Variants in ATXN2 observed in about 807,000 individuals in gnomAD.
ATXN2 encodes ataxin-2.
A neutral mutation model predicts 138.6 loss-of-function variants in ATXN2; 37 were observed. That is an observed-to-expected ratio of 0.27 (90% CI 0.21 to 0.35). ATXN2 has a LOEUF of 0.35. Ranked by LOEUF, ATXN2 falls within the 10% of genes least tolerant of loss-of-function variation. ATXN2 has a pLI of 1.00. For synonymous variants in ATXN2, 549 were observed against 543.7 expected (o/e 1.01, Z -0.13); for missense variants, 1,216 against 1,480.3 (o/e 0.82, Z 2.93).
chr12:111,456,367 G>T, intron 22 of ATXN2, 111 bp from the exon 23 acceptor site: 2 of 1,110,034 alleles, frequency 1.8e-6, no homozygotes, highest in Non-Finnish European at 2.7e-6. Context: ...AGGGTCACTG[G>T]AAAGTACAGG....
chr12:111,551,238 A>G (rs1013627483), intron 5 of ATXN2, among the ~76,000 whole-genome samples: 8 of 151,420 alleles, frequency 5.3e-5, no homozygotes, highest in Admixed American at 4.6e-4. Flanking sequence ...CAGAGGCTGC[A>G]GTGAGCCGAG....
chr12:111,598,828 CGAG>C lies in ATXN2; in HGVS notation c.204_206del (p.Ser69del). The C allele has an allele frequency of 6.9e-7, 1 of 1,452,172 alleles. No homozygotes were observed. Among genetic ancestry groups the C allele is most frequent in the Non-Finnish European group, 9.0e-7 (1 of 1,108,462 alleles). 90.0% of individuals were successfully genotyped at this position (1,452,172 alleles called of 1,614,324 possible). On this transcript the variant is annotated inframe_deletion, in exon 1 of 25. Transcript: ENST00000673436. This position sits in a 1 kb window ranked among gnomAD's most constrained non-coding sequence, Gnocchi z 4.5. ...CGCCGCCGGAGGTCGCCGCGACCAC[CGAG>C]GAGGGAGCCGTGGCCGAGGACGAGG...
intron 1 of ATXN2, among the ~76,000 whole-genome samples, chr12:111,572,384 A>C (rs1278013922): frequency 6.6e-6 from 1 of 151,320 alleles, no homozygotes; most frequent in African/African-American, 2.4e-5. Flanking sequence ...CTGGGTGACA[A>C]GAGCAAAACT....
At chr12:111,522,376 C>T (rs1449423390) in intron 6 of ATXN2, among the ~76,000 whole-genome samples, 1 of 151,842 alleles carries the variant, frequency 6.6e-6, no homozygotes. Context: ...TTTGGGAGGC[C>T]GAGGCAGGAG....
In ATXN2 at chr12:111,470,148, T is replaced by A. The variant is rs1389032765; in HGVS notation, c.2802A>T (p.Ala934=). 6.2e-7 allele frequency: 1 copy of A among 1,614,052 alleles called. No homozygotes were observed. Among genetic ancestry groups the A allele is most frequent in the East Asian group, 2.2e-5 (1 of 44,894 alleles). The change falls in exon 20 of 25, where the codon GCA becomes GCT. Residue 934 remains alanine (A), a synonymous_variant. Transcript: ENST00000673436. ...HAQPGLVSSS[A]TQYGAHEQTH... The stretch of plus-strand genomic sequence containing the variant: ...TCTGCTCATGAGCCCCGTACTGAGT[T>A]GCTGAAGAAGATACTAAACCAGGCT...
At chr12:111,458,052 C>A (rs1875251455) in intron 21 of ATXN2, 2 of 152,194 alleles carry the variant, frequency 1.3e-5, no homozygotes, top group South Asian at 4.1e-4. Flanking sequence ...CAGTTTAAAT[C>A]AAAATAAAGA....
At chr12:111,464,247 G>GGGGGGTGTGT (rs71445545) in intron 21 of ATXN2, among the ~76,000 whole-genome samples, 1 of 134,630 alleles carries the variant, frequency 7.4e-6, no homozygotes, top group Admixed American at 7.5e-5. Flanking sequence ...TGTGGCTTGG[G>GGGGGGTGTGT]GTGTGTGTGT....
chr12:111,552,337 A>G lies in ATXN2; in HGVS notation c.514T>C (p.Cys172Arg), dbSNP rs930223966. ...AACTGTACCACAACAAAGTCTGAAC[A>G]TTTGAACAAAATACTCTCCATTATT... ...EEIMESILFK[C>R]SDFVVVQFKD... The change falls in exon 5 of 25, where the codon TGT becomes CGT. Residue 172 changes from cysteine to arginine, a missense_variant. Cys to Arg is a radical substitution (Grantham distance 180). Coordinates refer to ENST00000673436, the MANE Select transcript of ATXN2 (RefSeq NM_001372574.1). The surrounding 1 kb of genome is among the most constrained non-coding windows in gnomAD (Gnocchi z 4.1). The G allele has an allele frequency of 1.2e-6, 2 of 1,613,544 alleles. No individual in the cohort carries two copies. The highest frequency in any genetic ancestry group is 1.7e-6 in the Non-Finnish European group (2 of 1,179,834).
intron 1 of ATXN2, among the ~76,000 whole-genome samples, chr12:111,586,222 T>TC (rs1462371623): frequency 6.7e-6 from 1 of 150,018 alleles, no homozygotes; most frequent in African/African-American, 2.4e-5. Flanking sequence ...TTCCAAACTT[T>TC]TTTTTTTTTT....
At chr12:111,579,514 G>A (rs1021004841) in intron 1 of ATXN2, among the ~76,000 whole-genome samples, 9 of 151,682 alleles carry the variant, frequency 5.9e-5, no homozygotes, top group African/African-American at 1.7e-4. Context: ...CGCCTGCCTC[G>A]GCCTTCCAAA....
chr12:111,455,893 G>T, intron 23 of ATXN2, 136 bp downstream of exon 23: 1 of 850,972 alleles, frequency 1.2e-6, no homozygotes, highest in Non-Finnish European at 2.0e-6. Flanking sequence ...CAGATCACGT[G>T]TATTTGAGAG....
intron 5 of ATXN2, among the ~76,000 whole-genome samples, chr12:111,548,920 A>C (rs1227577966): frequency 6.6e-6 from 1 of 152,088 alleles, no homozygotes; most frequent in African/African-American, 2.4e-5. Context: ...ACGGGGTTTC[A>C]ACATGTTGGC....
chr12:111,461,888 C>CTCCA (rs200451216), intron 21 of ATXN2, among the ~76,000 whole-genome samples: 1,507 of 149,964 alleles, frequency 0.01, 22 homozygotes, highest in African/African-American at 0.036. Context: ...CACCACTGCA[C>CTCCA]TCCAGCCTGG....
chr12:111,498,691 C>A (rs1052706020), intron 14 of ATXN2, among the ~76,000 whole-genome samples: 4 of 152,116 alleles, frequency 2.6e-5, no homozygotes, highest in Non-Finnish European at 4.4e-5. Context: ...CAATGACATT[C>A]CTCACAGAAG....
At chr12:111,595,718 C>T (rs1884905532) in intron 1 of ATXN2, among the ~76,000 whole-genome samples, 1 of 151,014 alleles carries the variant, frequency 6.6e-6, no homozygotes, top group Admixed American at 6.6e-5. Context: ...CATACACAAT[C>T]ACCTCTACTA....
chr12:111,464,915 G>A (rs564090026), intron 20 of ATXN2, among the ~76,000 whole-genome samples, 200 bp from the exon 21 acceptor site: 75 of 152,266 alleles, frequency 4.9e-4, no homozygotes, highest in Non-Finnish European at 9.6e-4. Flanking sequence ...TCTGTACTTA[G>A]GTGTCAAGTT....
Position 111,453,764 on chromosome 12 carries a change from C to T in ATXN2, c.3352G>A (p.Gly1118Ser), listed in dbSNP as rs1874856204. Residue 1118 changes from glycine (G) to serine (S), a missense_variant, in exon 24 of 25, where the codon GGT (glycine) becomes AGT (serine). Physicochemically the swap from Gly to Ser is moderately conservative, Grantham distance 56. Around this residue, in one of 4 missense-constraint regions of ATXN2, gnomAD observed 490 missense variants for 653.5 expected, o/e 0.75. Transcript: ENST00000673436. The surrounding 1 kb of genome is among the most constrained non-coding windows in gnomAD (Gnocchi z 5.4). ...MMLMTTQPPG[G>S]PQAALAQSAL... ...CTTTGAGCGAGGGCGGCCTGGGGACCGCCGGGTGGCTGTGTCGTCATTAGC... is the reference window on the plus strand; with the variant it reads ...CTTTGAGCGAGGGCGGCCTGGGGACTGCCGGGTGGCTGTGTCGTCATTAGC... 5.0e-6 allele frequency: 8 copies of T among 1,613,984 alleles called. No homozygotes were observed. Among genetic ancestry groups the T allele is most frequent in the Non-Finnish European group, 6.8e-6 (8 of 1,179,984 alleles).
intron 1 of ATXN2, chr12:111,581,487 AC>A: frequency 1.0e-6 from 1 of 989,682 alleles, no homozygotes; most frequent in East Asian, 2.5e-5. Flanking sequence ...GCACCCCACA[AC>A]CCTGCTCCCC....
At chr12:111,460,531 C>G (rs1015443051) in intron 21 of ATXN2, among the ~76,000 whole-genome samples, 1 of 151,952 alleles carries the variant, frequency 6.6e-6, no homozygotes, top group African/African-American at 2.4e-5. Context: ...ATCCCAAATT[C>G]TGTTCATGGA....
Sources: gnomAD v4.1 joint callset for allele counts (sites outside exome capture counted in the v4.1 genomes callset) on GRCh38, gnomAD v4.1.1 for gene constraint, gnomAD v4.1.1 regional missense constraint, Gnocchi (gnomAD v3.1) non-coding constraint, MANE v1.5 for transcripts, NCBI Gene and HGNC (gene_info 2026-07-23, HGNC 2026-07-21) for gene names.